The following CNTN4 variants were observed in gnomAD, a reference collection of about 807,000 sequenced individuals.
The protein encoded by CNTN4 is contactin-4.
A neutral mutation model predicts 122.5 loss-of-function variants in CNTN4; 77 were observed. The ratio of observed to expected loss-of-function variants is 0.63; its 90% CI spans 0.52 to 0.76. The LOEUF (loss-of-function observed/expected upper bound fraction) is 0.76. Ranked by LOEUF, CNTN4 falls within the 30% of genes least tolerant of loss-of-function variation. The pLI is 0.00. For synonymous variants in CNTN4, 512 were observed against 447.0 expected, an observed-to-expected ratio of 1.15 and a Z score of -1.83; for missense variants, 1,256 against 1,259.1, an observed-to-expected ratio of 1.00 and a Z score of 0.04.
At chr3:2,425,832 G>T (rs1463799358) in intron 3 of CNTN4, among the ~76,000 whole-genome samples, 2 of 152,138 alleles carry the variant, frequency 1.3e-5, no homozygotes, top group Non-Finnish European at 2.9e-5. Context: ...TGAAGCAATT[G>T]TGAATGGGAG....
chr3:2,170,497 C>T lies in CNTN4; in HGVS notation c.-145+69858C>T, dbSNP rs568042770. On this transcript the variant is annotated intron_variant, in intron 2 of 24. Coordinates refer to ENST00000418658, the MANE Select transcript of CNTN4 (RefSeq NM_175607.3). ...TGCTTGATTGAAAAGTAAACACACT[C>T]TCCTCCTAAATGGGAAGTCCTGTCA... 7.9e-4 allele frequency among the ~76,000 whole-genome samples: 121 copies of T among 152,318 alleles called. 2 individuals carry two copies. In the South Asian group the frequency reaches 9.9e-3, roughly 13 times the overall value.
intron 4 of CNTN4, among the ~76,000 whole-genome samples, chr3:2,607,649 A>G (rs1024270045): frequency 7.1e-5 from 6 of 84,876 alleles, no homozygotes; most frequent in African/African-American, 1.1e-4. Flanking sequence ...AATACAGTAT[A>G]AAAACATGGT....
chr3:2,543,717 G>A (rs1030484161), intron 3 of CNTN4, among the ~76,000 whole-genome samples: 3 of 152,072 alleles, frequency 2.0e-5, no homozygotes, highest in Non-Finnish European at 4.4e-5. Flanking sequence ...AAAACCCTTT[G>A]CTGTGTTCAC....
chr3:2,249,337 A>G (rs760978738), intron 2 of CNTN4, among the ~76,000 whole-genome samples: 1 of 151,958 alleles, frequency 6.6e-6, no homozygotes, highest in Non-Finnish European at 1.5e-5. Flanking sequence ...CACTGTACAT[A>G]CAAGGTCTAC....
At chr3:2,219,234 CATCTT>C (rs1412387331) in intron 2 of CNTN4, among the ~76,000 whole-genome samples, 1 of 152,148 alleles carries the variant, frequency 6.6e-6, no homozygotes, top group Non-Finnish European at 1.5e-5. Context: ...TTAACACAAT[CATCTT>C]ATCTTGGCTA....
At chr3:2,433,414 T>C (rs894186067) in intron 3 of CNTN4, among the ~76,000 whole-genome samples, 2 of 152,210 alleles carry the variant, frequency 1.3e-5, no homozygotes, top group Non-Finnish European at 2.9e-5. Flanking sequence ...CATAAACCTA[T>C]TGGCCATTTG....
At chr3:2,429,930 A>G (rs1380432280) in intron 3 of CNTN4, among the ~76,000 whole-genome samples, 1 of 152,176 alleles carries the variant, frequency 6.6e-6, no homozygotes, top group African/African-American at 2.4e-5. Context: ...GTGCAGTATT[A>G]GGATGGGAGT....
intron 2 of CNTN4, among the ~76,000 whole-genome samples, chr3:2,121,113 C>T (rs1300384245): frequency 1.3e-5 from 2 of 151,004 alleles, no homozygotes; most frequent in African/African-American, 4.8e-5. Context: ...CCTTCCTTCT[C>T]TCCCTCCCTC....
intron 8 of CNTN4, among the ~76,000 whole-genome samples, chr3:2,872,462 G>T (rs961494092): frequency 1.4e-5 from 2 of 148,026 alleles, no homozygotes; most frequent in Non-Finnish European, 3.0e-5. Flanking sequence ...GGTTTGGAAG[G>T]TTTTTTTTTT....
At chr3:2,290,209 A>C (rs1416446462) in intron 2 of CNTN4, among the ~76,000 whole-genome samples, 2 of 152,204 alleles carry the variant, frequency 1.3e-5, no homozygotes, top group African/African-American at 4.8e-5. Context: ...GCAATGAAAG[A>C]GACAAGCGTT....
At chr3:2,929,857 G>A (rs146621184) in intron 13 of CNTN4, among the ~76,000 whole-genome samples, 5 of 152,262 alleles carry the variant, frequency 3.3e-5, no homozygotes, top group Non-Finnish European at 7.4e-5. Flanking sequence ...CAAAGAAATC[G>A]AGCTGCTATC....
chr3:3,044,967 T>C (rs1251276135), intron 23 of CNTN4, among the ~76,000 whole-genome samples: 2 of 152,220 alleles, frequency 1.3e-5, no homozygotes, highest in African/African-American at 2.4e-5. Flanking sequence ...CAGGAGATTA[T>C]ATCCCATGCA....
intron 3 of CNTN4, among the ~76,000 whole-genome samples, chr3:2,423,099 TTAAA>T (rs2047673902): frequency 6.6e-6 from 1 of 152,182 alleles, no homozygotes. Flanking sequence ...TGATAACCAA[TTAAA>T]TAAATAATTG....
chr3:2,707,247 A>G (rs2086796280), intron 4 of CNTN4, among the ~76,000 whole-genome samples: 1 of 151,926 alleles, frequency 6.6e-6, no homozygotes, highest in South Asian at 2.1e-4. Context: ...TTGAGGCTGC[A>G]GTGAGCCGAG....
At chr3:2,491,047 A>G (rs1019048427) in intron 3 of CNTN4, among the ~76,000 whole-genome samples, 1 of 152,188 alleles carries the variant, frequency 6.6e-6, no homozygotes, top group Non-Finnish European at 1.5e-5. Flanking sequence ...GGAGGGTAGA[A>G]TCTTCTACAT....
chr3:3,005,752 C>G (rs1696549647), intron 14 of CNTN4, among the ~76,000 whole-genome samples: 1 of 152,144 alleles, frequency 6.6e-6, no homozygotes, highest in Non-Finnish European at 1.5e-5. Flanking sequence ...GGGATCTACC[C>G]TCATGACCTA....
intron 13 of CNTN4, among the ~76,000 whole-genome samples, chr3:2,934,822 G>A (rs547270096): frequency 6.6e-6 from 1 of 152,346 alleles, no homozygotes; most frequent in African/African-American, 2.4e-5. Context: ...AGCAACAGGA[G>A]CGTCATTGCT....
chr3:2,816,732 A>T (rs1007545510), intron 6 of CNTN4, among the ~76,000 whole-genome samples: 3 of 150,370 alleles, frequency 2.0e-5, no homozygotes, highest in African/African-American at 7.3e-5. Flanking sequence ...GAGGCAGGAG[A>T]ATCACTTGAA....
chr3:2,448,675 G>A (rs540395560), intron 3 of CNTN4, among the ~76,000 whole-genome samples: 218 of 152,240 alleles, frequency 1.4e-3, no homozygotes, highest in African/African-American at 4.9e-3. Flanking sequence ...GTAACATATC[G>A]TGGCAGCTGT....
Sources: gnomAD v4.1 joint callset for allele counts (sites outside exome capture counted in the v4.1 genomes callset) on GRCh38, gnomAD v4.1.1 for gene constraint, MANE v1.5 for transcripts, NCBI Gene and HGNC (gene_info 2026-07-23, HGNC 2026-07-21) for gene names.